The following DKK2 variants were observed in gnomAD, a reference collection of about 807,000 sequenced individuals.
The protein encoded by DKK2 is dickkopf Wnt signaling pathway inhibitor 2.
In DKK2, 11 loss-of-function variants were observed where a neutral mutation model predicts 28.1. That is an observed-to-expected ratio of 0.39 (90% CI 0.25 to 0.65). The LOEUF is 0.65. Ranked by LOEUF, DKK2 falls within the 30% of genes least tolerant of loss-of-function variation. DKK2 has a pLI of 0.47. For synonymous variants in DKK2, 135 were observed against 126.5 expected (o/e 1.07, Z -0.45); for missense variants, 326 against 335.5 (o/e 0.97, Z 0.22).
At chr4:107,017,608 GA>G (rs1723628735) in intron 1 of DKK2, among the ~76,000 whole-genome samples, 2 of 151,510 alleles carry the variant, frequency 1.3e-5, no homozygotes, top group Admixed American at 6.6e-5. Flanking sequence ...AGATGGAAAG[GA>G]ATGGAAAAGT....
At chr4:107,013,882 C>A (rs958619897) in intron 1 of DKK2, among the ~76,000 whole-genome samples, 1 of 151,388 alleles carries the variant, frequency 6.6e-6, no homozygotes, top group African/African-American at 2.4e-5. Context: ...GGGCAAAAGA[C>A]TTTAATAGAC....
At chr4:106,946,975 G>A (rs1393211632) in intron 1 of DKK2, among the ~76,000 whole-genome samples, 1 of 152,088 alleles carries the variant, frequency 6.6e-6, no homozygotes, top group African/African-American at 2.4e-5. Flanking sequence ...CATTTTAGCA[G>A]AGGTAAAGAT....
chr4:106,925,070 C>T (rs1724406383), intron 2 of DKK2, among the ~76,000 whole-genome samples: 1 of 152,110 alleles, frequency 6.6e-6, no homozygotes, highest in African/African-American at 2.4e-5. Flanking sequence ...TATTAATTAA[C>T]AACATAATGT....
intron 1 of DKK2, among the ~76,000 whole-genome samples, chr4:106,949,932 A>C (rs1201671965): frequency 6.6e-6 from 1 of 152,186 alleles, no homozygotes; most frequent in Admixed American, 6.5e-5. Flanking sequence ...TATTAAAAAA[A>C]TTATAATAAT....
chr4:106,925,887 T>C lies in DKK2; in HGVS notation c.285A>G (p.Gln95=). 1.2e-6 allele frequency: 2 copies of C among 1,613,808 alleles called. No homozygotes were observed. The highest frequency in any genetic ancestry group is 3.3e-4 in the Middle Eastern group (2 of 6,060). The change falls in exon 2 of 4, where the codon CAA becomes CAG. Residue 95 remains glutamine (Q), a synonymous_variant. Coordinates refer to ENST00000285311, the MANE Select transcript of DKK2 (RefSeq NM_014421.3). ...EVGRYCHSPH[Q]GSSACMVCRR... is the part of the protein sequence containing the mutation. The stretch of plus-strand genomic sequence containing the variant: ...GACACACCATGCAGGCCGATGATCC[T>C]TGGTGGGGACTGTGGCAATACCTCC...
chr4:107,004,429 C>G (rs1350363150), intron 1 of DKK2, among the ~76,000 whole-genome samples: 1 of 152,186 alleles, frequency 6.6e-6, no homozygotes, highest in African/African-American at 2.4e-5. Flanking sequence ...TGACTTAGAC[C>G]AAAGCTCCAA....
chr4:107,009,972 A>T (rs1200331814), intron 1 of DKK2, among the ~76,000 whole-genome samples: 1 of 151,796 alleles, frequency 6.6e-6, no homozygotes, highest in South Asian at 2.1e-4. Flanking sequence ...CCTCAAATTT[A>T]TACTTCAAAA....
chr4:106,928,525 T>C (rs1724455437), intron 1 of DKK2, among the ~76,000 whole-genome samples: 1 of 152,168 alleles, frequency 6.6e-6, no homozygotes, highest in African/African-American at 2.4e-5. Flanking sequence ...TATGCTTATG[T>C]AACTCCTGGA....
chr4:106,934,613 T>C (rs1440253029), intron 1 of DKK2, among the ~76,000 whole-genome samples: 1 of 152,186 alleles, frequency 6.6e-6, no homozygotes, highest in East Asian at 1.9e-4. Flanking sequence ...TTAATTTCAT[T>C]TAATATAGGA....
At chr4:107,003,017 A>T (rs1723385037) in intron 1 of DKK2, among the ~76,000 whole-genome samples, 1 of 152,230 alleles carries the variant, frequency 6.6e-6, no homozygotes, top group African/African-American at 2.4e-5. Flanking sequence ...CTAAAGGATT[A>T]TGAGTAGATT....
At position 107,035,670 on chromosome 4, in the gene DKK2, G is replaced by T; in HGVS notation, c.-79C>A. 1 of 1,512,850 alleles carries T rather than the reference G, an allele frequency of 6.6e-7. No individual in the cohort carries two copies. Among genetic ancestry groups the T allele is most frequent in the Non-Finnish European group, 9.0e-7 (1 of 1,106,200 alleles). 93.7% of individuals were successfully genotyped at this position (1,512,850 alleles called of 1,614,324 possible). ...AAAGGGAGGGAGGACCCCAACACGGGGCCCCTCACTTGGGTCGCGGGGGCT... is the reference window on the plus strand; with the variant it reads ...AAAGGGAGGGAGGACCCCAACACGGTGCCCCTCACTTGGGTCGCGGGGGCT... On this transcript the variant is annotated 5_prime_UTR_variant, in exon 1 of 4. Transcript: ENST00000285311.
intron 1 of DKK2, among the ~76,000 whole-genome samples, chr4:106,995,260 A>G (rs2110363039): frequency 6.6e-6 from 1 of 152,058 alleles, no homozygotes; most frequent in Admixed American, 6.6e-5. Flanking sequence ...TATAGACATT[A>G]TTGGAAATAT....
At position 107,035,781 on chromosome 4, in the gene DKK2, G is replaced by C. The variant is rs1009476285; in HGVS notation, c.-190C>G. The C allele has an allele frequency of 1.6e-6, 1 of 610,944 alleles. No individual in the cohort carries two copies. Among genetic ancestry groups the C allele is most frequent in the Non-Finnish European group, 2.9e-6 (1 of 347,996 alleles). 37.8% of individuals were successfully genotyped at this position (610,944 alleles called of 1,614,324 possible). A position where few individuals can be genotyped will look rare whatever the true frequency, so the allele number is the denominator to read the frequency against. ...CTCACGCCTCAGGACAGAAATTAGC[G>C]GAACCCAAGCGAGACCCGCTTCTCC... is the stretch of plus-strand genomic sequence containing the variant. On this transcript the variant is annotated 5_prime_UTR_variant, in exon 1 of 4. Transcript: ENST00000285311.
chr4:106,983,828 TATA>T (rs1723073287), intron 1 of DKK2, among the ~76,000 whole-genome samples: 1 of 152,194 alleles, frequency 6.6e-6, no homozygotes. Flanking sequence ...TCTAAGAAGA[TATA>T]CAGATGACAA....
chr4:106,999,907 T>C (rs2110364667), intron 1 of DKK2, among the ~76,000 whole-genome samples: 1 of 152,266 alleles, frequency 6.6e-6, no homozygotes, highest in Admixed American at 6.5e-5. Context: ...TAGAAATAAA[T>C]GCTTGTGAAA....
intron 1 of DKK2, among the ~76,000 whole-genome samples, chr4:106,992,805 C>T (rs980840326): frequency 4.6e-5 from 7 of 152,154 alleles, no homozygotes; most frequent in South Asian, 2.1e-4. Context: ...ATCCTACCTA[C>T]TATTACATGG....
At chr4:106,934,689 A>C (rs1724552904) in intron 1 of DKK2, among the ~76,000 whole-genome samples, 1 of 152,228 alleles carries the variant, frequency 6.6e-6, no homozygotes, top group Admixed American at 6.5e-5. Flanking sequence ...GAATTAAGCC[A>C]GATCAATAGT....
chr4:106,947,084 A>G (rs890359443), intron 1 of DKK2, among the ~76,000 whole-genome samples: 2 of 152,136 alleles, frequency 1.3e-5, no homozygotes, highest in East Asian at 1.9e-4. Context: ...AGGTGCTGAC[A>G]AAGTGTTTAC....
chr4:106,991,038 A>T lies in DKK2; in HGVS notation c.222+44332T>A, dbSNP rs565631832. 4.8e-3 allele frequency among the ~76,000 whole-genome samples: 735 copies of T among 152,332 alleles called. 6 individuals are homozygous for T. The highest frequency in any genetic ancestry group is 0.017 in the African/African-American group (709 of 41,578). On this transcript the variant is annotated intron_variant, in intron 1 of 3. Transcript: ENST00000285311. Reference sequence around the variant, plus strand: ...TGAAAAATTTTTGTTCTGTGAGTATAGAGCTTGTGCAAAGGAAAAATGTCC... The same window carrying T: ...TGAAAAATTTTTGTTCTGTGAGTATTGAGCTTGTGCAAAGGAAAAATGTCC...
Sources: allele counts gnomAD v4.1 joint callset (sites outside exome capture counted in the v4.1 genomes callset), GRCh38; gene constraint gnomAD v4.1.1; transcripts MANE v1.5; gene names NCBI Gene and HGNC (gene_info 2026-07-23, HGNC 2026-07-21).